The following ADAMTS3 variants were observed in gnomAD, a reference collection of about 807,000 sequenced individuals.
The protein encoded by ADAMTS3 is A disintegrin and metalloproteinase with thrombospondin motifs 3.
ADAMTS3 carries 73 observed loss-of-function variants against 129.0 expected under a neutral mutation model. The observed-to-expected ratio is 0.57, with a 90% CI of 0.47 to 0.69. The LOEUF is 0.69. ADAMTS3 is among the 30% of genes least tolerant of loss of function. ADAMTS3 has a pLI of 0.00. For synonymous variants in ADAMTS3, 477 were observed against 510.8 expected, an observed-to-expected ratio of 0.93 and a Z score of 0.89; for missense variants, 1,457 against 1,514.5, an observed-to-expected ratio of 0.96 and a Z score of 0.63.
intron 3 of ADAMTS3, among the ~76,000 whole-genome samples, chr4:72,434,518 C>A (rs2109951299): frequency 6.6e-6 from 1 of 151,820 alleles, no homozygotes; most frequent in East Asian, 2.0e-4. Context: ...GAGGTTGGGT[C>A]TTGTAGTAGG....
At chr4:72,470,374 TATACACACAC>T (rs1719037981) in intron 3 of ADAMTS3, among the ~76,000 whole-genome samples, 1 of 144,088 alleles carries the variant, frequency 6.9e-6, no homozygotes, top group Admixed American at 7.0e-5. Flanking sequence ...TATATATATA[TATACACACAC>T]ACACACACAC....
chr4:72,456,605 A>G (rs1433985105), intron 3 of ADAMTS3, among the ~76,000 whole-genome samples: 2 of 151,080 alleles, frequency 1.3e-5, no homozygotes, highest in Admixed American at 1.3e-4. Context: ...ATTATTTCTA[A>G]AAGTACTTAC....
intron 3 of ADAMTS3, among the ~76,000 whole-genome samples, chr4:72,443,815 C>T (rs1432132795): frequency 1.3e-5 from 2 of 151,492 alleles, no homozygotes; most frequent in African/African-American, 4.8e-5. Context: ...AAGAGTAATA[C>T]TGGTCATTTT....
chr4:72,296,558 G>A (rs1037479761), intron 18 of ADAMTS3, among the ~76,000 whole-genome samples: 4 of 152,022 alleles, frequency 2.6e-5, no homozygotes, highest in Non-Finnish European at 5.9e-5. Context: ...TTGTGACTAT[G>A]TCACATTTGC....
At chr4:72,457,582 CATTT>C (rs1264613936) in intron 3 of ADAMTS3, among the ~76,000 whole-genome samples, 1 of 151,550 alleles carries the variant, frequency 6.6e-6, no homozygotes, top group African/African-American at 2.4e-5. Context: ...AATAAACAAA[CATTT>C]ATTGAGGACT....
chr4:72,288,895 G>C (rs1460210208), intron 20 of ADAMTS3, 27 bp from the exon 21 acceptor site: 1 of 1,362,122 alleles, frequency 7.3e-7, no homozygotes, highest in African/African-American at 1.5e-5. Context: ...TGTGGTTACA[G>C]ACATTTATTG....
intron 4 of ADAMTS3, among the ~76,000 whole-genome samples, chr4:72,400,874 G>A (rs1043782193): frequency 5.4e-5 from 8 of 149,516 alleles, no homozygotes; most frequent in Non-Finnish European, 1.0e-4. Context: ...ACATATGTAT[G>A]TATATATTGG....
chr4:72,521,566 T>C (rs2109743224), intron 3 of ADAMTS3, among the ~76,000 whole-genome samples: 2 of 152,318 alleles, frequency 1.3e-5, no homozygotes, highest in South Asian at 4.1e-4. Context: ...CAAGTCAGTT[T>C]ATATTATTTT....
intron 3 of ADAMTS3, among the ~76,000 whole-genome samples, chr4:72,489,972 A>G (rs563087697): frequency 1.3e-5 from 2 of 151,916 alleles, no homozygotes; most frequent in South Asian, 2.1e-4. Context: ...CACCATTTAC[A>G]TTCCCATCAG....
chr4:72,491,166 T>C (rs1378466071), intron 3 of ADAMTS3, among the ~76,000 whole-genome samples: 1 of 151,898 alleles, frequency 6.6e-6, no homozygotes, highest in African/African-American at 2.4e-5. Context: ...TCTGTTGATT[T>C]TTTATTATGC....
intron 3 of ADAMTS3, among the ~76,000 whole-genome samples, chr4:72,418,986 A>T (rs1722377252): frequency 6.6e-6 from 1 of 152,006 alleles, no homozygotes; most frequent in Non-Finnish European, 1.5e-5. Context: ...TTGCAATGCC[A>T]TTCATTCTGC....
intron 5 of ADAMTS3, among the ~76,000 whole-genome samples, chr4:72,338,193 A>G (rs1402917870): frequency 6.6e-6 from 1 of 152,160 alleles, no homozygotes; most frequent in Middle Eastern, 3.2e-3. Context: ...CAGAAGCAGG[A>G]CAGAGAGTCC....
intron 3 of ADAMTS3, among the ~76,000 whole-genome samples, chr4:72,435,858 T>C (rs1356434484): frequency 2.0e-5 from 3 of 151,952 alleles, no homozygotes; most frequent in Non-Finnish European, 2.9e-5. Flanking sequence ...TAATTCGAAA[T>C]AGATTAGAGA....
chr4:72,352,207 G>A (rs964051926), intron 4 of ADAMTS3, among the ~76,000 whole-genome samples: 1 of 151,924 alleles, frequency 6.6e-6, no homozygotes, highest in Non-Finnish European at 1.5e-5. Flanking sequence ...ACTTTACCAC[G>A]TTACCACCAG....
At chr4:72,441,614 T>C (rs1718118665) in intron 3 of ADAMTS3, 1 of 151,800 alleles carries the variant, frequency 6.6e-6, no homozygotes, top group Admixed American at 6.6e-5. Flanking sequence ...CTCCAAAGAC[T>C]CATTCCATGT....
intron 3 of ADAMTS3, among the ~76,000 whole-genome samples, chr4:72,433,897 C>T (rs982385): frequency 0.67 from 100,973 of 151,634 alleles, 33,795 homozygotes; most frequent in South Asian, 0.79. Context: ...GAAAAAAAAA[C>T]TTTCAACAAC....
At chr4:72,566,629 A>G (rs1335306399) in intron 2 of ADAMTS3, among the ~76,000 whole-genome samples, 6 of 152,248 alleles carry the variant, frequency 3.9e-5, no homozygotes, top group Non-Finnish European at 8.8e-5. Context: ...AATGTGTATG[A>G]AAAGACTTTG....
intron 3 of ADAMTS3, among the ~76,000 whole-genome samples, chr4:72,530,803 TATTA>T (rs1721018629): frequency 1.9e-5 from 1 of 52,740 alleles, no homozygotes; most frequent in Non-Finnish European, 3.6e-5. Flanking sequence ...ATATTATATA[TATTA>T]TATATTATAT....
chr4:72,568,158 G>A (rs1518492), intron 1 of ADAMTS3: 72,638 of 152,604 alleles, frequency 0.48, 18,323 homozygotes, highest in Admixed American at 0.6. Context: ...GCCCGGCCGT[G>A]GTACTCCCAG....
Sources: allele counts gnomAD v4.1 joint callset (sites outside exome capture counted in the v4.1 genomes callset), GRCh38; gene constraint gnomAD v4.1.1; transcripts MANE v1.5; gene names NCBI Gene and HGNC (gene_info 2026-07-23, HGNC 2026-07-21).